Variants in AKAP19 observed in about 807,000 individuals in gnomAD.
AKAP19 encodes A-kinase anchoring protein 19.
the AKAP19 span, among the ~76,000 whole-genome samples, chr2:189,987,119 TC>T: frequency 7.2e-5 from 11 of 152,148 alleles, no homozygotes; most frequent in African/African-American, 2.7e-4. Flanking sequence ...CTCCCAGAAT[TC>T]CCACATGTTG....
chr2:190,073,111 A>G, the AKAP19 span, among the ~76,000 whole-genome samples: 1 of 152,192 alleles, frequency 6.6e-6, no homozygotes, highest in Non-Finnish European at 1.5e-5. Context: ...ATGCACAAAT[A>G]CTGTAAATTC....
chr2:189,930,324 T>C, the AKAP19 span: 1 of 658,160 alleles, frequency 1.5e-6, no homozygotes. Flanking sequence ...GAGGGGCACG[T>C]GAAGGATCTC....
At chr2:190,115,278 TATATATATATATATATATATA>T in the AKAP19 span, among the ~76,000 whole-genome samples, 9 of 5,154 alleles carry the variant, frequency 1.7e-3, no homozygotes, top group Non-Finnish European at 3.7e-3. Context: ...TATATATATA[TATATATATATATATATATATA>T]TATTTTTTTT....
chr2:190,064,750 T>A, the AKAP19 span, among the ~76,000 whole-genome samples: 1 of 152,150 alleles, frequency 6.6e-6, no homozygotes, highest in Non-Finnish European at 1.5e-5. Flanking sequence ...CTGCCAATTA[T>A]CAGTCACAAA....
chr2:189,985,182 T>C, the AKAP19 span, among the ~76,000 whole-genome samples: 1 of 152,238 alleles, frequency 6.6e-6, no homozygotes, highest in Non-Finnish European at 1.5e-5. Context: ...ACTGCTTTTC[T>C]TTTCTGCATC....
At chr2:190,156,477 T>C in the AKAP19 span, among the ~76,000 whole-genome samples, 2 of 152,114 alleles carry the variant, frequency 1.3e-5, no homozygotes, top group Non-Finnish European at 1.5e-5. Context: ...CTATGCTTTA[T>C]TGAAAAAATT....
the AKAP19 span, among the ~76,000 whole-genome samples, chr2:189,932,809 T>C: frequency 1.3e-5 from 2 of 152,172 alleles, no homozygotes; most frequent in African/African-American, 4.8e-5. Flanking sequence ...TTTTATTGAC[T>C]GAATATGTCT....
At chr2:190,060,341 T>G in the AKAP19 span, 1 of 1,612,820 alleles carries the variant, frequency 6.2e-7, no homozygotes, top group Non-Finnish European at 8.5e-7. Context: ...AATATATCCA[T>G]AGTTGGGCCT....
At chr2:190,134,096 T>C in the AKAP19 span, among the ~76,000 whole-genome samples, 1 of 152,200 alleles carries the variant, frequency 6.6e-6, no homozygotes. Flanking sequence ...TAAATATATA[T>C]ATTTTGTGTG....
the AKAP19 span, among the ~76,000 whole-genome samples, chr2:190,183,187 A>G: frequency 6.6e-6 from 1 of 152,176 alleles, no homozygotes; most frequent in Middle Eastern, 3.2e-3. Context: ...AAACTTCAGT[A>G]TCAATAAAAT....
chr2:190,060,007 A>G, the AKAP19 span: 3 of 1,550,996 alleles, frequency 1.9e-6, no homozygotes, highest in Non-Finnish European at 2.7e-6. Flanking sequence ...TTGTTTGTTC[A>G]TATTATGAAT....
At chr2:190,145,159 C>A in the AKAP19 span, among the ~76,000 whole-genome samples, 15 of 152,126 alleles carry the variant, frequency 9.9e-5, no homozygotes, top group East Asian at 2.7e-3. Context: ...TGGTAGCCCA[C>A]GTCTGTAGTC....
chr2:190,069,395 T>C, the AKAP19 span, among the ~76,000 whole-genome samples: 85 of 152,192 alleles, frequency 5.6e-4, no homozygotes, highest in Non-Finnish European at 9.1e-4. Flanking sequence ...TAAAAATTTT[T>C]AAAGTTAATG....
At chr2:189,920,405 T>G in the AKAP19 span, among the ~76,000 whole-genome samples, 3 of 152,170 alleles carry the variant, frequency 2.0e-5, no homozygotes, top group African/African-American at 7.2e-5. Context: ...GTAGAGAGCA[T>G]TATGTTGTTT....
chr2:190,002,071 G>A, the AKAP19 span, among the ~76,000 whole-genome samples: 1 of 152,196 alleles, frequency 6.6e-6, no homozygotes, highest in Non-Finnish European at 1.5e-5. Context: ...CCATCCAGCA[G>A]AGCCTCCCTA....
the AKAP19 span, among the ~76,000 whole-genome samples, chr2:190,142,966 A>G: frequency 6.6e-6 from 1 of 152,140 alleles, no homozygotes; most frequent in African/African-American, 2.4e-5. Flanking sequence ...ATTCCTGGAA[A>G]CAGGTGCAGA....
At chr2:190,019,092 G>A in the AKAP19 span, among the ~76,000 whole-genome samples, 2 of 152,226 alleles carry the variant, frequency 1.3e-5, no homozygotes, top group Non-Finnish European at 1.5e-5. Context: ...TCACTGCTTA[G>A]GATAGATGGC....
At chr2:189,912,732 A>G in the AKAP19 span, among the ~76,000 whole-genome samples, 1 of 152,334 alleles carries the variant, frequency 6.6e-6, no homozygotes, top group African/African-American at 2.4e-5. Flanking sequence ...CATGGTTAAC[A>G]TGTCAACATT....
chr2:189,968,021 G>A, the AKAP19 span, among the ~76,000 whole-genome samples: 5 of 152,142 alleles, frequency 3.3e-5, no homozygotes, highest in African/African-American at 7.2e-5. Context: ...AAATTTGCAC[G>A]TTGTGTGGAA....
Sources: gnomAD v4.1 joint callset for allele counts (sites outside exome capture counted in the v4.1 genomes callset) on GRCh38, gnomAD v4.1.1 for gene constraint, MANE v1.5 for transcripts, NCBI Gene and HGNC (gene_info 2026-07-23, HGNC 2026-07-21) for gene names.